CCNH: variants seen among roughly 807,000 people sequenced by gnomAD.
The protein encoded by CCNH is cyclin-H.
Under a neutral mutation model 41.9 loss-of-function variants are expected in CCNH, and 31 were observed. The ratio of observed to expected loss-of-function variants is 0.74; its 90% confidence interval spans 0.56 to 1.00. CCNH has a LOEUF of 1.00. Ranked by LOEUF, CCNH falls within the 50% of genes least tolerant of loss-of-function variation. CCNH has a pLI of 0.00. For missense variants in CCNH, 362 were observed against 388.4 expected, an observed-to-expected ratio of 0.93 and a Z score of 0.57; for synonymous variants, 138 against 136.1, an observed-to-expected ratio of 1.01 and a Z score of -0.10.
At chr5:87,369,766 G>T in intron 9 of CCNH, 1 of 1,297,498 alleles carries the variant, frequency 7.7e-7, no homozygotes, top group Non-Finnish European at 1.1e-6. Flanking sequence ...TAAATATTTT[G>T]CTACTTTTTA....
chr5:87,396,764 C>CT (rs1762997652), intron 7 of CCNH, among the ~76,000 whole-genome samples: 1 of 152,140 alleles, frequency 6.6e-6, no homozygotes, highest in Non-Finnish European at 1.5e-5. Flanking sequence ...CAATGTGATA[C>CT]TTTTTCACCC....
intron 9 of CCNH, among the ~76,000 whole-genome samples, chr5:87,342,222 C>T (rs1414925582): frequency 6.6e-6 from 1 of 150,750 alleles, no homozygotes; most frequent in Non-Finnish European, 1.5e-5. Flanking sequence ...TGCAATGGCA[C>T]GATCTCTGCT....
downstream of CCNH, among the ~76,000 whole-genome samples, chr5:87,387,414 T>G (rs1194367314): frequency 6.6e-6 from 1 of 152,188 alleles, no homozygotes; most frequent in Non-Finnish European, 1.5e-5. Context: ...AAATTGTGAT[T>G]ACAAAATTAC....
At chr5:87,366,920 TA>T (rs1187003675) in intron 9 of CCNH, among the ~76,000 whole-genome samples, 2 of 152,140 alleles carry the variant, frequency 1.3e-5, no homozygotes, top group African/African-American at 4.8e-5. Flanking sequence ...TGGTCCTACC[TA>T]CTCAGGAGAG....
chr5:87,409,998 T>C (rs1764105703), intron 2 of CCNH, among the ~76,000 whole-genome samples: 1 of 152,162 alleles, frequency 6.6e-6, no homozygotes, highest in African/African-American at 2.4e-5. Context: ...AGAAGGAAAC[T>C]GAGTATCAAT....
chr5:87,388,120 A>T (rs1040448642), downstream of CCNH, among the ~76,000 whole-genome samples: 6 of 152,188 alleles, frequency 3.9e-5, no homozygotes, highest in Admixed American at 3.9e-4. Context: ...TATCTGTGAT[A>T]TATAATTCTG....
At chr5:87,399,345 G>A in intron 7 of CCNH, 49 bp downstream of exon 7, 1 of 1,304,918 alleles carries the variant, frequency 7.7e-7, no homozygotes, top group Non-Finnish European at 1.1e-6. Flanking sequence ...GAACCAGCTG[G>A]ACTGGATAAC....
At chr5:87,369,930 TAC>T in intron 9 of CCNH, 1 of 1,525,122 alleles carries the variant, frequency 6.6e-7, no homozygotes, top group Non-Finnish European at 9.1e-7. Flanking sequence ...AACTACAGTA[TAC>T]TTTTATGTTA....
chr5:87,408,099 A>C lies in CCNH; in HGVS notation c.402T>G (p.Leu134=). 1 of 1,613,404 alleles carries C rather than the reference A, an allele frequency of 6.2e-7. No homozygotes were observed. Among genetic ancestry groups the C allele is most frequent in the Non-Finnish European group, 8.5e-7 (1 of 1,179,406 alleles). The stretch of plus-strand genomic sequence containing the variant: ...TCTGTTCAAGTGCCTTCTCCTGTCC[A>C]AGAGGACTCTCCCGGAGGTTTCCAA... ...QFVGNLRESP[L]GQEKALEQIL... Residue 134 remains leucine (L), a synonymous_variant, in exon 4 of 9, where the codon CTT becomes CTG. Coordinates refer to ENST00000256897, the MANE Select transcript of CCNH (RefSeq NM_001239.4).
chr5:87,373,823 T>C (rs1248576520), downstream of CCNH, among the ~76,000 whole-genome samples: 2 of 152,044 alleles, frequency 1.3e-5, no homozygotes, highest in African/African-American at 2.4e-5. Flanking sequence ...TGTTTACTTA[T>C]ATTAATAAAG....
chr5:87,376,156 T>C, downstream of CCNH: 1 of 557,532 alleles, frequency 1.8e-6, no homozygotes, highest in Non-Finnish European at 3.2e-6. Context: ...AACTGACCTC[T>C]ATGCAACTCA....
chr5:87,326,407 T>A (rs1175382919), intron 9 of CCNH, among the ~76,000 whole-genome samples: 34 of 152,202 alleles, frequency 2.2e-4, no homozygotes, highest in Admixed American at 2.2e-3. Context: ...AATTGATTTG[T>A]ATTTCTAAAA....
intron 9 of CCNH, among the ~76,000 whole-genome samples, chr5:87,338,881 G>T (rs765943319): frequency 6.6e-6 from 1 of 151,602 alleles, no homozygotes; most frequent in South Asian, 2.1e-4. Flanking sequence ...TTTGAATCTC[G>T]TCCTTGTTTT....
At chr5:87,369,237 T>C (rs749356985) in intron 9 of CCNH, among the ~76,000 whole-genome samples, 5 of 152,182 alleles carry the variant, frequency 3.3e-5, no homozygotes, top group Non-Finnish European at 7.4e-5. Context: ...TATTACCTAA[T>C]ATTGTACTTA....
rs760723804 is a variant in CCNH, at chr5:87,401,734, G to A, written c.728C>T (p.Thr243Ile). ...SESLMLKENR[T>I]CLSQLLDIMK... ...TATATCTAGTAACTGTGACAGGCAAGTTCTGTTCTCTTTCAGCATCAGACT... is the reference window on the plus strand; with the variant it reads ...TATATCTAGTAACTGTGACAGGCAAATTCTGTTCTCTTTCAGCATCAGACT... Residue 243 changes from threonine to isoleucine, a missense_variant, in exon 6 of 9, where the codon ACT becomes ATT. Thr to Ile is a moderately conservative substitution (Grantham distance 89). Transcript: ENST00000256897. 2.5e-6 allele frequency: 4 copies of A among 1,591,106 alleles called. No individual in the cohort carries two copies. Among genetic ancestry groups the A allele is most frequent in the East Asian group, 2.3e-5 (1 of 44,328 alleles).
chr5:87,312,433 G>A, the CCNH span, among the ~76,000 whole-genome samples: 1 of 152,160 alleles, frequency 6.6e-6, no homozygotes, highest in Non-Finnish European at 1.5e-5. Context: ...ACTCCATTAT[G>A]TGTAATTTTT....
chr5:87,401,740 TTC>T lies in CCNH; in HGVS notation c.720_721del (p.Asn241GlnfsTer22), dbSNP rs1446565544. On this transcript the variant is annotated frameshift_variant, in exon 6 of 9. Transcript: ENST00000256897. LOFTEE classifies it high-confidence loss of function. ...TAGTAACTGTGACAGGCAAGTTCTG[TTC>T]TCTTTCAGCATCAGACTCTCTGATA... The T allele has an allele frequency of 6.3e-7, 1 of 1,592,218 alleles. No homozygotes were observed. Among genetic ancestry groups the T allele is most frequent in the African/African-American group, 1.3e-5 (1 of 74,106 alleles).
chr5:87,341,539 T>TATCA (rs914201628), intron 9 of CCNH, among the ~76,000 whole-genome samples: 8 of 152,276 alleles, frequency 5.3e-5, no homozygotes, highest in African/African-American at 1.9e-4. Flanking sequence ...TAACTCTTTT[T>TATCA]ATCACCACAC....
chr5:87,371,632 T>C (rs764146008), downstream of CCNH, among the ~76,000 whole-genome samples: 1 of 152,122 alleles, frequency 6.6e-6, no homozygotes, highest in Non-Finnish European at 1.5e-5. Context: ...ACCTGTATCA[T>C]GGTCTAAAGT....
Sources: allele counts gnomAD v4.1 joint callset (sites outside exome capture counted in the v4.1 genomes callset), GRCh38; gene constraint gnomAD v4.1.1; transcripts MANE v1.5; gene names NCBI Gene and HGNC (gene_info 2026-07-23, HGNC 2026-07-21).